The following TAF3 variants were observed in gnomAD, a reference collection of about 807,000 sequenced individuals.
TAF3 encodes the protein TATA-box binding protein associated factor 3.
Under a neutral mutation model 80.6 loss-of-function variants are expected in TAF3, and 7 were observed. That is an observed-to-expected ratio of 0.09 (90% CI 0.05 to 0.16). The LOEUF (loss-of-function observed/expected upper bound fraction) is 0.16. Among genes scored for constraint, TAF3 ranks in the 10% least tolerant of loss-of-function variants. TAF3 has a pLI of 1.00. For missense variants in TAF3, 921 were observed against 1,140.2 expected (o/e 0.81, Z 2.77); for synonymous variants, 444 against 446.1 (o/e 1.00, Z 0.06).
intron 2 of TAF3, among the ~76,000 whole-genome samples, chr10:7,936,076 G>A (rs183902201): frequency 7.2e-5 from 11 of 152,226 alleles, no homozygotes; most frequent in Admixed American, 5.2e-4. Context: ...TGATTGTATC[G>A]TAAAACAGAG....
chr10:7,865,992 C>G (rs558476949), intron 2 of TAF3, among the ~76,000 whole-genome samples: 2 of 152,170 alleles, frequency 1.3e-5, no homozygotes, highest in South Asian at 2.1e-4. Flanking sequence ...CCTTGACTTT[C>G]GTTTTACCCA....
intron 1 of TAF3, among the ~76,000 whole-genome samples, chr10:7,823,036 C>T (rs1026320409): frequency 8.5e-5 from 13 of 152,202 alleles, no homozygotes; most frequent in Admixed American, 2.6e-4. Flanking sequence ...TGGCTTGAGC[C>T]TGGGAAGGTA....
chr10:7,943,938 G>C (rs191716268), intron 2 of TAF3, among the ~76,000 whole-genome samples: 216 of 152,270 alleles, frequency 1.4e-3, no homozygotes, highest in African/African-American at 5.0e-3. Flanking sequence ...AGATGAGTCA[G>C]CTCATTATAA....
intron 2 of TAF3, among the ~76,000 whole-genome samples, chr10:7,853,666 C>T (rs550307502): frequency 6.6e-6 from 1 of 152,324 alleles, no homozygotes; most frequent in African/African-American, 2.4e-5. Flanking sequence ...GCCTGGCCTG[C>T]AGCCTGATTC....
intron 2 of TAF3, among the ~76,000 whole-genome samples, chr10:7,916,210 TG>T (rs1471865679): frequency 6.6e-6 from 1 of 152,218 alleles, no homozygotes; most frequent in Non-Finnish European, 1.5e-5. Context: ...CCTTTGTTAA[TG>T]GATTATTACA....
intron 2 of TAF3, among the ~76,000 whole-genome samples, chr10:7,880,015 G>T (rs983579254): frequency 1.3e-5 from 2 of 152,164 alleles, no homozygotes; most frequent in Non-Finnish European, 2.9e-5. Context: ...TTTGAGACCA[G>T]CTTGGGCATA....
At chr10:7,855,439 G>A (rs1214503520) in intron 2 of TAF3, among the ~76,000 whole-genome samples, 3 of 152,210 alleles carry the variant, frequency 2.0e-5, no homozygotes, top group African/African-American at 7.2e-5. Flanking sequence ...TACACCGGAT[G>A]CCGAGATGTC....
chr10:8,009,093 G>A lies in TAF3; in HGVS notation c.2331G>A (p.Val777=). Residue 777 remains valine, a synonymous_variant, in exon 5 of 7, where the codon GTG becomes GTA. Coordinates refer to ENST00000344293, the MANE Select transcript of TAF3 (RefSeq NM_031923.4). The surrounding 1 kb of genome is among the most constrained non-coding windows in gnomAD (Gnocchi z 4.1). ...TTGTTGACAGTGTCATCAGCAAGGT[G>A]GTCCCTGCCCCCGAGGCCAAGCCGG... is the stretch of plus-strand genomic sequence containing the variant. ...AGQDKIVISK[V]VPAPEAKPAP... 1.2e-6 allele frequency: 2 copies of A among 1,602,178 alleles called. No individual in the cohort carries two copies. The highest frequency in any genetic ancestry group is 1.1e-5 in the South Asian group (1 of 91,030).
At chr10:7,823,750 T>A (rs1197079305) in intron 1 of TAF3, among the ~76,000 whole-genome samples, 1 of 151,588 alleles carries the variant, frequency 6.6e-6, no homozygotes, top group African/African-American at 2.4e-5. Context: ...TTCTCCTGCC[T>A]CAGTCCCCTG....
At chr10:7,843,000 A>G (rs1363922958) in intron 2 of TAF3, among the ~76,000 whole-genome samples, 1 of 152,210 alleles carries the variant, frequency 6.6e-6, no homozygotes, top group African/African-American at 2.4e-5. Flanking sequence ...GAATTCTGAC[A>G]TGCTTTGCAC....
At chr10:7,835,746 C>G (rs920626309) in intron 2 of TAF3, among the ~76,000 whole-genome samples, 1 of 152,176 alleles carries the variant, frequency 6.6e-6, no homozygotes, top group Non-Finnish European at 1.5e-5. Context: ...TTGGGGTTTT[C>G]CTGTTTCAGG....
At chr10:7,933,821 C>G (rs2131199469) in intron 2 of TAF3, among the ~76,000 whole-genome samples, 1 of 152,256 alleles carries the variant, frequency 6.6e-6, no homozygotes, top group South Asian at 2.1e-4. Context: ...TAAGCCTGTT[C>G]TTTGGCTATT....
intron 2 of TAF3, among the ~76,000 whole-genome samples, chr10:7,858,229 G>A (rs1223413524): frequency 6.6e-6 from 1 of 152,158 alleles, no homozygotes; most frequent in East Asian, 1.9e-4. Context: ...TTTTGTGATA[G>A]AATATAAGAT....
intron 2 of TAF3, among the ~76,000 whole-genome samples, chr10:7,851,941 G>T (rs1445335349): frequency 6.6e-6 from 1 of 151,570 alleles, no homozygotes; most frequent in East Asian, 1.9e-4. Context: ...CACCATGCCT[G>T]GCTTTTTTTT....
intron 2 of TAF3, among the ~76,000 whole-genome samples, chr10:7,871,579 G>T (rs1158439591): frequency 6.6e-6 from 1 of 151,572 alleles, no homozygotes; most frequent in East Asian, 1.9e-4. Flanking sequence ...AAGTAGCTGG[G>T]ATTATAGGCA....
At chr10:7,886,468 A>G (rs1837409982) in intron 2 of TAF3, among the ~76,000 whole-genome samples, 1 of 152,244 alleles carries the variant, frequency 6.6e-6, no homozygotes, top group Admixed American at 6.5e-5. Flanking sequence ...CACAAAATAT[A>G]TAATAACCAA....
intron 2 of TAF3, among the ~76,000 whole-genome samples, chr10:7,915,059 G>C (rs566114445): frequency 2.0e-5 from 3 of 148,258 alleles, no homozygotes; most frequent in Non-Finnish European, 4.4e-5. Context: ...TTCTGCCTCA[G>C]CCTCCTGAGT....
intron 4 of TAF3, among the ~76,000 whole-genome samples, chr10:8,001,722 T>A (rs986988088): frequency 1.3e-5 from 2 of 152,194 alleles, no homozygotes; most frequent in African/African-American, 4.8e-5. Context: ...TTTTACCTAA[T>A]TTTTAAGACG....
At chr10:7,967,465 G>A (rs566829143) in intron 3 of TAF3, among the ~76,000 whole-genome samples, 21 of 152,306 alleles carry the variant, frequency 1.4e-4, no homozygotes, top group African/African-American at 4.8e-4. Context: ...GAAGGCAAAG[G>A]CTCAGTCCCT....
Sources: allele counts gnomAD v4.1 joint callset (sites outside exome capture counted in the v4.1 genomes callset), GRCh38; gene constraint gnomAD v4.1.1; non-coding constraint Gnocchi (gnomAD v3.1); transcripts MANE v1.5; gene names NCBI Gene and HGNC (gene_info 2026-07-23, HGNC 2026-07-21).